Variants in RBFOX3 observed in about 807,000 individuals in gnomAD.
The protein encoded by RBFOX3 is RNA binding fox-1 homolog 3.
In RBFOX3, 17 loss-of-function variants were observed where a neutral mutation model predicts 48.7. The observed-to-expected ratio is 0.35, with a 90% CI of 0.24 to 0.52. The LOEUF is 0.52. Ranked by LOEUF, RBFOX3 falls within the 20% of genes least tolerant of loss-of-function variation. The probability of loss-of-function intolerance (pLI) is 0.94; values close to 1 mark genes in which losing one functional copy is unlikely to be tolerated. For synonymous variants in RBFOX3, 212 were observed against 209.5 expected, an observed-to-expected ratio of 1.01 and a Z score of -0.10; for missense variants, 382 against 497.5, an observed-to-expected ratio of 0.77 and a Z score of 2.21.
At chr17:79,335,622 C>A (rs1185857468) in intron 2 of RBFOX3, among the ~76,000 whole-genome samples, 1 of 152,228 alleles carries the variant, frequency 6.6e-6, no homozygotes. Flanking sequence ...GAACCCCCAG[C>A]CTCCGCCATC....
the RBFOX3 span, among the ~76,000 whole-genome samples, chr17:79,635,622 A>C: frequency 6.6e-6 from 1 of 151,908 alleles, no homozygotes; most frequent in Non-Finnish European, 1.5e-5. Flanking sequence ...CAACTTCTGT[A>C]CTGGAAAAAA....
chr17:79,314,420 G>A (rs553166486), intron 2 of RBFOX3, among the ~76,000 whole-genome samples: 65 of 152,208 alleles, frequency 4.3e-4, no homozygotes, highest in Non-Finnish European at 8.2e-4. Flanking sequence ...GATCGCATAC[G>A]GAGCTGGTGG....
At chr17:79,161,445 A>G (rs1218514051) in intron 4 of RBFOX3, among the ~76,000 whole-genome samples, 1 of 152,252 alleles carries the variant, frequency 6.6e-6, no homozygotes, top group Non-Finnish European at 1.5e-5. Flanking sequence ...ATGCTGCTCC[A>G]GGAAGTGACC....
intron 1 of RBFOX3, among the ~76,000 whole-genome samples, chr17:79,505,256 C>A (rs1050867849): frequency 1.3e-5 from 2 of 152,178 alleles, no homozygotes; most frequent in Admixed American, 6.5e-5. Flanking sequence ...CACCACACCC[C>A]CGCTTTAAAC....
intron 2 of RBFOX3, among the ~76,000 whole-genome samples, chr17:79,405,352 C>A (rs1478084688): frequency 3.9e-5 from 6 of 152,096 alleles, no homozygotes; most frequent in African/African-American, 1.4e-4. Flanking sequence ...CGTGTGTGCA[C>A]TTCCCCCGAT....
At chr17:79,207,706 G>T (rs932988913) in intron 4 of RBFOX3, among the ~76,000 whole-genome samples, 3 of 152,170 alleles carry the variant, frequency 2.0e-5, no homozygotes, top group African/African-American at 7.2e-5. Flanking sequence ...GCAAGTCTCT[G>T]TGCTGCCCTC....
intron 1 of RBFOX3, among the ~76,000 whole-genome samples, chr17:79,602,595 C>G (rs2093730580): frequency 6.6e-6 from 1 of 152,220 alleles, no homozygotes; most frequent in African/African-American, 2.4e-5. Context: ...CCGTGAGGCC[C>G]CCAGCTGTGC....
chr17:79,154,986 C>T (rs1300033053), intron 4 of RBFOX3, among the ~76,000 whole-genome samples: 2 of 144,818 alleles, frequency 1.4e-5, no homozygotes, highest in South Asian at 2.5e-4. Flanking sequence ...CCAGCCTCGG[C>T]GTCTGAGGAA....
chr17:79,221,985 A>C (rs1316622830), intron 4 of RBFOX3, among the ~76,000 whole-genome samples: 3 of 152,208 alleles, frequency 2.0e-5, no homozygotes, highest in Admixed American at 6.5e-5. Flanking sequence ...GAGACTGCCC[A>C]AAAACCTCCA....
rs372875641 is a variant in RBFOX3 at position 79,293,790 on chromosome 17, G to A, written c.-74+13934C>T. 4.5e-4 allele frequency among the ~76,000 whole-genome samples: 68 copies of A among 152,288 alleles called. 1 individual carries two copies. The South Asian group carries it at 7.5e-3, about 17-fold the overall frequency. On this transcript the variant is annotated intron_variant, in intron 3 of 14. Coordinates refer to ENST00000693108, the MANE Select transcript of RBFOX3 (RefSeq NM_001350451.2). ...CTTTAGATAACCTGCTGCTTTGGGGGCTGACAGATAAGCAGGAAGGCTGCC... is the reference window on the plus strand; with the variant it reads ...CTTTAGATAACCTGCTGCTTTGGGGACTGACAGATAAGCAGGAAGGCTGCC...
intron 4 of RBFOX3, among the ~76,000 whole-genome samples, chr17:79,187,989 A>G (rs1186463756): frequency 6.6e-6 from 1 of 152,200 alleles, no homozygotes; most frequent in African/African-American, 2.4e-5. Flanking sequence ...CGGCTTCCTT[A>G]TATCAGGAGT....
intron 4 of RBFOX3, among the ~76,000 whole-genome samples, chr17:79,131,382 A>G (rs1035096530): frequency 6.6e-6 from 1 of 152,154 alleles, no homozygotes; most frequent in Non-Finnish European, 1.5e-5. Flanking sequence ...CCCCTCGTCT[A>G]CCTTCACCGT....
intron 1 of RBFOX3, among the ~76,000 whole-genome samples, chr17:79,608,365 C>T (rs1005835125): frequency 1.6e-4 from 25 of 152,352 alleles, no homozygotes; most frequent in Non-Finnish European, 3.4e-4. Context: ...CCTGGCTCCT[C>T]CTGGCACCCA....
At chr17:79,435,126 C>T (rs901408008) in intron 2 of RBFOX3, among the ~76,000 whole-genome samples, 2 of 152,196 alleles carry the variant, frequency 1.3e-5, no homozygotes, top group Admixed American at 6.5e-5. Context: ...CTGCTGGGTG[C>T]GTCCTGGTGC....
At chr17:79,340,465 C>T (rs763086203) in intron 2 of RBFOX3, among the ~76,000 whole-genome samples, 1 of 152,172 alleles carries the variant, frequency 6.6e-6, no homozygotes, top group Non-Finnish European at 1.5e-5. Context: ...GCCTGAGCCG[C>T]CCTGTGATTT....
At position 79,560,259 on chromosome 17, in the gene RBFOX3, C is replaced by T. The variant is rs1021619473; in HGVS notation, c.-320+50567G>A. On this transcript the variant is annotated intron_variant, in intron 1 of 14. Transcript: ENST00000693108. Reference sequence around the variant, plus strand: ...AGCCAGAGCAAAGCACAGGGAAAGGCTGAGGGAGACCCGAAAAGCCTAAGA... The same window carrying T: ...AGCCAGAGCAAAGCACAGGGAAAGGTTGAGGGAGACCCGAAAAGCCTAAGA... Among the ~76,000 whole-genome samples, 731 of 152,198 alleles carry T rather than the reference C, an allele frequency of 4.8e-3. 4 individuals are homozygous for T. The highest frequency in any genetic ancestry group is 0.017 in the African/African-American group (692 of 41,508).
In RBFOX3 at chr17:79,103,556, C is replaced by T. The variant is rs1483791121; in HGVS notation, c.415-302G>A. ...ACAGGCCAAAGCCACATAAGAGACG[C>T]CATACCTGACCACAGGCCAGGCCTG... On this transcript the variant is annotated intron_variant, in intron 7 of 14. Transcript: ENST00000693108. This position sits in a 1 kb window ranked among gnomAD's most constrained non-coding sequence, Gnocchi z 6.1. Among the ~76,000 whole-genome samples, 3 of 152,158 alleles carry T rather than the reference C, an allele frequency of 2.0e-5. No individual in the cohort carries two copies. The highest frequency in any genetic ancestry group is 6.5e-5 in the Admixed American group (1 of 15,288).
chr17:79,409,381 G>A (rs1254445802), intron 2 of RBFOX3, among the ~76,000 whole-genome samples: 1 of 152,196 alleles, frequency 6.6e-6, no homozygotes, highest in Admixed American at 6.5e-5. Flanking sequence ...GAGACGGCCG[G>A]GTTGTGTGAT....
intron 5 of RBFOX3, among the ~76,000 whole-genome samples, 171 bp downstream of exon 5, chr17:79,115,302 CTGGAAATGCCTTCACTGGGGG>C (rs2033582422): frequency 6.6e-6 from 1 of 152,178 alleles, no homozygotes; most frequent in South Asian, 2.1e-4. Flanking sequence ...CGAGCAGGGG[CTGGAAATGCCTTCACTGGGGG>C]TGACTTCTGG....
Sources: gnomAD v4.1 joint callset for allele counts (sites outside exome capture counted in the v4.1 genomes callset) on GRCh38, gnomAD v4.1.1 for gene constraint, Gnocchi (gnomAD v3.1) non-coding constraint, MANE v1.5 for transcripts, NCBI Gene and HGNC (gene_info 2026-07-23, HGNC 2026-07-21) for gene names.